STIM2: variants seen among roughly 807,000 people sequenced by gnomAD.
The protein encoded by STIM2 is stromal interaction molecule 2.
Under a neutral mutation model 85.8 loss-of-function variants are expected in STIM2, and 31 were observed. The observed-to-expected ratio is 0.36, with a 90% CI of 0.27 to 0.49. The LOEUF is 0.49. Among genes scored for constraint, STIM2 ranks in the 20% least tolerant of loss-of-function variants. STIM2 has a pLI of 0.98. For missense variants in STIM2, 841 were observed against 927.6 expected (o/e 0.91, Z 1.21); for synonymous variants, 356 against 331.1 (o/e 1.08, Z -0.82).
chr4:26,983,949 A>T (rs562091895), intron 3 of STIM2, among the ~76,000 whole-genome samples: 48 of 152,380 alleles, frequency 3.2e-4, no homozygotes, highest in African/African-American at 1.1e-3. Context: ...AAATTCTAAG[A>T]GAAAAAAGTG....
At chr4:26,903,129 GT>G (rs1723986763) in intron 1 of STIM2, among the ~76,000 whole-genome samples, 2 of 151,772 alleles carry the variant, frequency 1.3e-5, no homozygotes, top group Admixed American at 6.6e-5. Context: ...TTGTAAAAAA[GT>G]TTTTTTTGGC....
At position 27,009,736 on chromosome 4, in the gene STIM2, G is replaced by A. The variant is rs565847471; in HGVS notation, c.1489+734G>A. On this transcript the variant is annotated intron_variant, in intron 10 of 11. Coordinates refer to ENST00000467087, the MANE Select transcript of STIM2 (RefSeq NM_020860.4). Reference sequence around the variant, plus strand: ...TGCTCCACACTGCAAGGTCATGACGGTTGCAAAGTTATGTCTAGATCTGGG... The same window carrying A: ...TGCTCCACACTGCAAGGTCATGACGATTGCAAAGTTATGTCTAGATCTGGG... 2.0e-5 allele frequency among the ~76,000 whole-genome samples: 3 copies of A among 152,342 alleles called. No individual in the cohort carries two copies. In the East Asian group the frequency reaches 5.8e-4, roughly 29 times the overall value.
intron 1 of STIM2, chr4:26,873,548 T>G (rs936199597): frequency 7.3e-6 from 3 of 410,770 alleles, no homozygotes; most frequent in African/African-American, 6.2e-5. Context: ...TCTGACTACT[T>G]TGTCCAGGAA....
chr4:27,006,884 A>G (rs545981198), intron 7 of STIM2, among the ~76,000 whole-genome samples: 1 of 152,348 alleles, frequency 6.6e-6, no homozygotes, highest in African/African-American at 2.4e-5. Flanking sequence ...GTGTATTCAA[A>G]GCAGTGAATT....
chr4:26,928,519 A>C (rs1182539241), intron 2 of STIM2, among the ~76,000 whole-genome samples: 1 of 152,064 alleles, frequency 6.6e-6, no homozygotes, highest in Non-Finnish European at 1.5e-5. Flanking sequence ...ACCTCATCAG[A>C]TATACTTTTT....
chr4:26,956,572 C>G (rs1032233570), intron 2 of STIM2, among the ~76,000 whole-genome samples: 2 of 151,466 alleles, frequency 1.3e-5, no homozygotes, highest in Admixed American at 6.6e-5. Flanking sequence ...GCCTATCTCT[C>G]TCTATATTTC....
At chr4:26,980,807 G>A (rs1195307119) in intron 3 of STIM2, among the ~76,000 whole-genome samples, 2 of 152,134 alleles carry the variant, frequency 1.3e-5, no homozygotes, top group African/African-American at 4.8e-5. Flanking sequence ...GGTATCATAA[G>A]TATTTTTATA....
intron 1 of STIM2, among the ~76,000 whole-genome samples, chr4:26,875,024 G>C (rs1245756567): frequency 6.6e-6 from 1 of 152,168 alleles, no homozygotes; most frequent in African/African-American, 2.4e-5. Flanking sequence ...CTAGTTTGCA[G>C]ATTCCTTTAA....
At chr4:26,882,747 G>A (rs1233621838) in intron 1 of STIM2, among the ~76,000 whole-genome samples, 1 of 151,726 alleles carries the variant, frequency 6.6e-6, no homozygotes. Context: ...CATGAGCCAC[G>A]GTACCTGGCC....
chr4:26,894,325 C>T (rs1308495452), intron 1 of STIM2, among the ~76,000 whole-genome samples: 2 of 152,046 alleles, frequency 1.3e-5, no homozygotes, highest in Admixed American at 6.6e-5. Flanking sequence ...AGAGTACTGC[C>T]AAATTAACTG....
At chr4:27,011,923 T>G (rs1728570338) in intron 10 of STIM2, among the ~76,000 whole-genome samples, 1 of 152,170 alleles carries the variant, frequency 6.6e-6, no homozygotes, top group African/African-American at 2.4e-5. Flanking sequence ...TTTCAACAGA[T>G]GATAGGTTGT....
Position 27,024,192 on chromosome 4 carries a change from G to A in STIM2, c.*1196G>A, listed in dbSNP as rs556195728. ...TAAATTTATGGTGCATTTAGATTGCGTTGTATTAATTTATAAAGTATGGTG... is the reference window on the plus strand; with the variant it reads ...TAAATTTATGGTGCATTTAGATTGCATTGTATTAATTTATAAAGTATGGTG... On this transcript the variant is annotated 3_prime_UTR_variant, in exon 12 of 12. Transcript: ENST00000467087. 6 of 152,218 alleles carry A rather than the reference G, an allele frequency of 3.9e-5. No individual in the cohort carries two copies. Among genetic ancestry groups the A allele is most frequent in the Admixed American group, 2.6e-4 (4 of 15,296 alleles). The allele number at this position is 152,218 out of a possible 1,614,324, so 9.4% of individuals were successfully genotyped here.
chr4:26,904,996 T>G (rs1210552526), intron 1 of STIM2, among the ~76,000 whole-genome samples: 1 of 151,802 alleles, frequency 6.6e-6, no homozygotes, highest in Non-Finnish European at 1.5e-5. Context: ...GGTGGTTGAG[T>G]GGGTTGTGGG....
chr4:26,941,398 A>G (rs920455607), intron 2 of STIM2, among the ~76,000 whole-genome samples: 4 of 151,680 alleles, frequency 2.6e-5, no homozygotes, highest in African/African-American at 9.7e-5. Context: ...CCGTATTTCC[A>G]TTTTCCATCC....
chr4:26,887,338 C>T (rs899513140), intron 1 of STIM2, among the ~76,000 whole-genome samples: 1 of 152,064 alleles, frequency 6.6e-6, no homozygotes, highest in Non-Finnish European at 1.5e-5. Flanking sequence ...TCTAAGATCA[C>T]ACCGTGCTGT....
chr4:26,917,848 A>G (rs553560823), intron 1 of STIM2, among the ~76,000 whole-genome samples: 1 of 152,170 alleles, frequency 6.6e-6, no homozygotes, highest in African/African-American at 2.4e-5. Flanking sequence ...TCTTTACACT[A>G]TATGTTGTTT....
chr4:26,874,348 A>T (rs1475573855), intron 1 of STIM2: 62 of 290,226 alleles, frequency 2.1e-4, no homozygotes, highest in African/African-American at 1.2e-3. Context: ...CTGAGAAGCC[A>T]TCTGCCTGCC....
At chr4:26,939,571 T>G (rs553214257) in intron 2 of STIM2, among the ~76,000 whole-genome samples, 69 of 152,358 alleles carry the variant, frequency 4.5e-4, no homozygotes, top group African/African-American at 1.4e-3. Context: ...GCCTTTTACT[T>G]TAATTGTCAG....
chr4:26,905,229 G>A (rs1244102005), intron 1 of STIM2, among the ~76,000 whole-genome samples: 1 of 152,138 alleles, frequency 6.6e-6, no homozygotes, highest in East Asian at 1.9e-4. Context: ...TTAATTTAAA[G>A]CATCATGATT....
Sources: gnomAD v4.1 joint callset for allele counts (sites outside exome capture counted in the v4.1 genomes callset) on GRCh38, gnomAD v4.1.1 for gene constraint, MANE v1.5 for transcripts, NCBI Gene and HGNC (gene_info 2026-07-23, HGNC 2026-07-21) for gene names.